Variants in CD82 observed in about 807,000 individuals in gnomAD.
CD82 encodes CD82 antigen.
CD82 carries 36 observed loss-of-function variants against 37.4 expected under a neutral mutation model. The ratio of observed to expected loss-of-function variants is 0.96; its 90% CI spans 0.74 to 1.27. The LOEUF (loss-of-function observed/expected upper bound fraction) is 1.27, where lower values mean the gene tolerates loss of function less well. CD82 is among the 50% of genes most tolerant of loss of function. The probability of loss-of-function intolerance (pLI) is 0.00; values close to 1 mark genes in which losing one functional copy is unlikely to be tolerated. For synonymous variants in CD82, 158 were observed against 137.4 expected (o/e 1.15, Z -1.05); for missense variants, 340 against 347.0 (o/e 0.98, Z 0.16).
rs1853636416 is a variant in CD82 at position 44,619,789 on chromosome 11, A to AG, written c.*663_*664insG. ...AAAAAAAAAAAAAAAAAAAAAAAAA[A>AG]TTGGGGAGGGAAGGGCGTTAGATAA... On this transcript the variant is annotated 3_prime_UTR_variant, in exon 10 of 10. Transcript: ENST00000227155. 3 of 136,578 alleles carry AG rather than the reference A, an allele frequency of 2.2e-5. No homozygotes were observed. The highest frequency in any genetic ancestry group is 3.2e-5 in the Non-Finnish European group (2 of 61,950). 8.5% of individuals were successfully genotyped at this position (136,578 alleles called of 1,614,324 possible).
chr11:44,585,144 C>G (rs1853035120), intron 1 of CD82: 1 of 455,216 alleles, frequency 2.2e-6, no homozygotes, highest in East Asian at 7.0e-5. Context: ...CTCCCCCAGC[C>G]CCTTACCCAG....
intron 1 of CD82, among the ~76,000 whole-genome samples, chr11:44,579,211 G>C (rs1172191946): frequency 6.6e-6 from 1 of 152,080 alleles, no homozygotes; most frequent in Admixed American, 6.5e-5. Context: ...AAAATGTGCT[G>C]GGGAAGGGTC....
At chr11:44,566,272 G>C (rs1184995550) in intron 1 of CD82, 3 of 152,214 alleles carry the variant, frequency 2.0e-5, no homozygotes, top group Non-Finnish European at 4.4e-5. Context: ...AATTCTAACA[G>C]TTCAACTGAG....
chr11:44,585,593 G>A (rs1853042571), intron 1 of CD82, among the ~76,000 whole-genome samples: 1 of 152,200 alleles, frequency 6.6e-6, no homozygotes, highest in Admixed American at 6.5e-5. Context: ...CCCCATCTGT[G>A]GATAAGGGAG....
At chr11:44,611,784 C>T (rs1024781921) in intron 6 of CD82, among the ~76,000 whole-genome samples, 2 of 152,228 alleles carry the variant, frequency 1.3e-5, no homozygotes, top group Admixed American at 6.5e-5. Context: ...CCATGGTCCC[C>T]GTGGCCCAGG....
chr11:44,618,821 G>A, intron 9 of CD82, 98 bp downstream of exon 9: 1 of 1,069,236 alleles, frequency 9.4e-7, no homozygotes, highest in Non-Finnish European at 1.4e-6. Context: ...AAGGGGGCCA[G>A]CACCCCATCA....
rs780177124 is a variant in CD82, at chr11:44,597,318, G to A, written c.63+2593G>A. Among the ~76,000 whole-genome samples the A allele has an allele frequency of 1.3e-5, 2 of 152,106 alleles. No homozygotes were observed. The highest frequency in any genetic ancestry group is 6.5e-5 in the Admixed American group (1 of 15,274). On this transcript the variant is annotated intron_variant, in intron 3 of 9. Transcript: ENST00000227155. The surrounding 1 kb of genome is among the most constrained non-coding windows in gnomAD (Gnocchi z 4.1). ...GGGAAGGACGCTCACTGCTCTGAGGGTCCTGGCTCCTGATGGGTCCCATCT... is the reference window on the plus strand; with the variant it reads ...GGGAAGGACGCTCACTGCTCTGAGGATCCTGGCTCCTGATGGGTCCCATCT...
intron 1 of CD82, among the ~76,000 whole-genome samples, chr11:44,584,085 C>T (rs1853019387): frequency 6.6e-6 from 1 of 152,142 alleles, no homozygotes; most frequent in Non-Finnish European, 1.5e-5. Flanking sequence ...GATCTCCTCA[C>T]TTTGTGGTGA....
At chr11:44,600,613 T>C (rs929493686) in intron 4 of CD82, among the ~76,000 whole-genome samples, 1 of 152,162 alleles carries the variant, frequency 6.6e-6, no homozygotes, top group African/African-American at 2.4e-5. Flanking sequence ...GTAGGAAAGA[T>C]AGTCAGGGGC....
chr11:44,604,762 A>C, intron 4 of CD82: 1 of 426,716 alleles, frequency 2.3e-6, no homozygotes, highest in Non-Finnish European at 4.4e-6. Flanking sequence ...ACAATGAGCA[A>C]GAAGAATCAG....
At chr11:44,575,323 T>C (rs560627331) in intron 1 of CD82, among the ~76,000 whole-genome samples, 4 of 152,242 alleles carry the variant, frequency 2.6e-5, no homozygotes, top group Non-Finnish European at 5.9e-5. Context: ...CTCTCTTTAC[T>C]ATTTAATGAC....
chr11:44,575,860 G>T (rs940253467), intron 1 of CD82, among the ~76,000 whole-genome samples: 2 of 152,156 alleles, frequency 1.3e-5, no homozygotes, highest in African/African-American at 4.8e-5. Context: ...AAAGAAAATT[G>T]AGTCTCTGAC....
Position 44,613,448 on chromosome 11 carries a change from G to A in CD82, c.337-1824G>A, listed in dbSNP as rs183719508. 1.7e-4 allele frequency among the ~76,000 whole-genome samples: 26 copies of A among 152,278 alleles called. No homozygotes were observed. The East Asian group carries it at 4.8e-3, about 28-fold the overall frequency. ...TTGTAAATCAGTGTTTTCTCTGTGG[G>A]GTTAGCTGAGAGCAGGTGCTGCTCT... is the stretch of plus-strand genomic sequence containing the variant. On this transcript the variant is annotated intron_variant, in intron 6 of 9. Coordinates refer to ENST00000227155, the MANE Select transcript of CD82 (RefSeq NM_002231.4).
At chr11:44,591,837 T>TC (rs1217205997) in intron 2 of CD82, among the ~76,000 whole-genome samples, 1 of 151,444 alleles carries the variant, frequency 6.6e-6, no homozygotes, top group Admixed American at 6.6e-5. Flanking sequence ...GTTTTTATTT[T>TC]TTTTGAGACA....
At chr11:44,601,180 C>G (rs1335070710) in intron 4 of CD82, among the ~76,000 whole-genome samples, 1 of 152,146 alleles carries the variant, frequency 6.6e-6, no homozygotes, top group East Asian at 1.9e-4. Flanking sequence ...CTCACTTCTC[C>G]CAGCAGCTGC....
At chr11:44,566,044 GA>G (rs71038807) in intron 1 of CD82, 6,375 of 152,366 alleles carry the variant, frequency 0.042, 196 homozygotes, top group Middle Eastern at 0.085. Flanking sequence ...TAAAACGCCG[GA>G]AGGTGAGAGC....
At chr11:44,589,589 C>T (rs990508007) in intron 2 of CD82, among the ~76,000 whole-genome samples, 1 of 152,190 alleles carries the variant, frequency 6.6e-6, no homozygotes, top group Non-Finnish European at 1.5e-5. Context: ...CCTGACTGTA[C>T]CAGGCGCTGA....
At chr11:44,569,405 G>A (rs925369935) in intron 1 of CD82, among the ~76,000 whole-genome samples, 29 of 152,230 alleles carry the variant, frequency 1.9e-4, no homozygotes, top group African/African-American at 6.8e-4. Flanking sequence ...TGGACAGGCA[G>A]CTGATGGAGG....
At chr11:44,585,450 G>T (rs1434501142) in intron 1 of CD82, among the ~76,000 whole-genome samples, 1 of 152,244 alleles carries the variant, frequency 6.6e-6, no homozygotes, top group Non-Finnish European at 1.5e-5. Context: ...CTGGCAAGGT[G>T]TGGCAGATGT....
Sources: gnomAD v4.1 joint callset for allele counts (sites outside exome capture counted in the v4.1 genomes callset) on GRCh38, gnomAD v4.1.1 for gene constraint, Gnocchi (gnomAD v3.1) non-coding constraint, MANE v1.5 for transcripts, NCBI Gene and HGNC (gene_info 2026-07-23, HGNC 2026-07-21) for gene names.